Variants in ASPH observed in about 807,000 individuals in gnomAD.
The protein encoded by ASPH is aspartyl/asparaginyl beta-hydroxylase.
Under a neutral mutation model 118.4 loss-of-function variants are expected in ASPH, and 100 were observed. The ratio of observed to expected loss-of-function variants is 0.84; its 90% CI spans 0.72 to 1.00. The LOEUF (loss-of-function observed/expected upper bound fraction) is 1.00. Ranked by LOEUF, ASPH falls within the 50% of genes least tolerant of loss-of-function variation. The pLI, the probability that ASPH is intolerant of heterozygous loss-of-function variation, is 0.00. For synonymous variants in ASPH, 315 were observed against 325.6 expected (o/e 0.97, Z 0.35); for missense variants, 920 against 919.5 (o/e 1.00, Z -0.01).
chr8:61,677,176 C>A (rs1825819668), intron 3 of ASPH, among the ~76,000 whole-genome samples: 1 of 152,068 alleles, frequency 6.6e-6, no homozygotes, highest in Admixed American at 6.6e-5. Flanking sequence ...TGCTAAGACC[C>A]CTTACAACTA....
Position 61,653,225 on chromosome 8 carries a change from A to G in ASPH, c.415+343T>C, listed in dbSNP as rs115398994. Reference sequence around the variant, plus strand: ...TCTATTAAATCACGTGACAAATGATAACACTAGTAGTGTAGAATTGTGTGT... The same window carrying G: ...TCTATTAAATCACGTGACAAATGATGACACTAGTAGTGTAGAATTGTGTGT... On this transcript the variant is annotated intron_variant, in intron 4 of 24. Coordinates refer to ENST00000379454, the MANE Select transcript of ASPH (RefSeq NM_004318.4). Among the ~76,000 whole-genome samples, 836 of 152,334 alleles carry G rather than the reference A, an allele frequency of 5.5e-3. 9 individuals carry two copies. Among genetic ancestry groups the G allele is most frequent in the African/African-American group, 0.019 (785 of 41,572 alleles).
In ASPH at chr8:61,596,431, T is replaced by C. The variant is rs538447251; in HGVS notation, c.977-12402A>G. Among the ~76,000 whole-genome samples, 10 of 152,344 alleles carry C rather than the reference T, an allele frequency of 6.6e-5. No individual in the cohort carries two copies. The East Asian group carries it at 1.9e-3, about 29-fold the overall frequency. ...GCCTGCCCACTGCAGCCACTGCTGG[T>C]AACCAAGTAAGCCTTCTGAAGGCCC... On this transcript the variant is annotated intron_variant, in intron 14 of 24. Transcript: ENST00000379454.
intron 14 of ASPH, among the ~76,000 whole-genome samples, chr8:61,595,924 C>G (rs947761117): frequency 1.7e-4 from 26 of 152,180 alleles, no homozygotes; most frequent in Non-Finnish European, 8.8e-5. Flanking sequence ...TGCATGCTGT[C>G]TGGGGATCTG....
At chr8:61,625,432 T>C (rs200645393) in intron 13 of ASPH, 25 of 985,440 alleles carry the variant, frequency 2.5e-5, no homozygotes, top group East Asian at 2.3e-4. Context: ...CTTTAAGTTA[T>C]GCACCAGTAA....
intron 14 of ASPH, among the ~76,000 whole-genome samples, chr8:61,614,444 T>C (rs890984087): frequency 1.2e-4 from 19 of 152,228 alleles, no homozygotes; most frequent in Non-Finnish European, 2.8e-4. Context: ...TGCACATTTT[T>C]GTGTTCAGTG....
At chr8:61,534,062 C>T (rs1488181152) in intron 21 of ASPH, among the ~76,000 whole-genome samples, 2 of 152,168 alleles carry the variant, frequency 1.3e-5, no homozygotes, top group South Asian at 4.1e-4. Context: ...ATTCTCCTGC[C>T]TCAGCCTCCT....
chr8:61,651,052 T>A lies in ASPH; in HGVS notation c.488A>T (p.His163Leu). Reference protein sequence around the residue: ...SLLHEMVHAEHVEGEDLQQED... With the variant: ...SLLHEMVHAELVEGEDLQQED... The stretch of plus-strand genomic sequence containing the variant: ...AAAGAGCAGATTTTAATTCATACCA[T>A]GTTCTGCGTGTACCATTTCATGGAG... Residue 163 changes from histidine (H) to leucine (L), a missense_variant and splice_region_variant, in exon 5 of 25, where the codon CAT becomes CTT. His to Leu is a moderately conservative substitution (Grantham distance 99). Transcript: ENST00000379454. The A allele has an allele frequency of 6.2e-7, 1 of 1,610,832 alleles. No homozygotes were observed. The highest frequency in any genetic ancestry group is 8.5e-7 in the Non-Finnish European group (1 of 1,178,484).
chr8:61,561,097 AGAGAGGGAGGGAGGGAGGGAGGG>A, intron 18 of ASPH, among the ~76,000 whole-genome samples: 1 of 9,358 alleles, frequency 1.1e-4, no homozygotes, highest in African/African-American at 2.0e-4. Context: ...GGAGGGAGGG[AGAGAGGGAGGGAGGGAGGGAGGG>A]AGGGAGGGAG....
At chr8:61,640,372 C>T (rs1291456960) in intron 10 of ASPH, among the ~76,000 whole-genome samples, 5 of 152,194 alleles carry the variant, frequency 3.3e-5, no homozygotes, top group African/African-American at 7.2e-5. Context: ...TGAAGATGAA[C>T]GTCCTTGATC....
intron 1 of ASPH, among the ~76,000 whole-genome samples, chr8:61,687,951 T>C (rs1725581622): frequency 6.6e-6 from 1 of 152,144 alleles, no homozygotes; most frequent in Non-Finnish European, 1.5e-5. Flanking sequence ...GAAGGGATTC[T>C]TTTTTAAGAC....
At chr8:61,531,157 T>G (rs1817432717) in intron 21 of ASPH, among the ~76,000 whole-genome samples, 3 of 152,252 alleles carry the variant, frequency 2.0e-5, no homozygotes, top group Admixed American at 1.3e-4. Flanking sequence ...CTTCACTAAC[T>G]CTGAAAGAGT....
intron 1 of ASPH, among the ~76,000 whole-genome samples, chr8:61,706,831 G>A (rs1026656469): frequency 5.3e-5 from 8 of 152,198 alleles, no homozygotes; most frequent in African/African-American, 9.7e-5. Flanking sequence ...AGAGCCCGAC[G>A]TATTCATACA....
At chr8:61,624,131 T>C (rs1378239134) in intron 13 of ASPH, 3 of 729,582 alleles carry the variant, frequency 4.1e-6, no homozygotes, top group Admixed American at 6.3e-5. Context: ...AGAGTTACTA[T>C]AGCCAACAAT....
intron 21 of ASPH, among the ~76,000 whole-genome samples, chr8:61,535,075 G>A (rs1432040401): frequency 6.6e-6 from 1 of 152,138 alleles, no homozygotes. Context: ...AATCAAATTG[G>A]ACTACGGTCC....
At chr8:61,585,907 G>C (rs1839301378) in intron 14 of ASPH, among the ~76,000 whole-genome samples, 1 of 152,174 alleles carries the variant, frequency 6.6e-6, no homozygotes, top group Non-Finnish European at 1.5e-5. Flanking sequence ...TATAAAATTA[G>C]GGGTGTTTTT....
At chr8:61,533,227 G>C (rs1236066177) in intron 21 of ASPH, among the ~76,000 whole-genome samples, 2 of 149,682 alleles carry the variant, frequency 1.3e-5, no homozygotes, top group Admixed American at 6.7e-5. Flanking sequence ...TTTTCCTTCT[G>C]GGAGATTTCC....
At chr8:61,542,875 CT>C (rs919526615) in intron 21 of ASPH, among the ~76,000 whole-genome samples, 2 of 151,984 alleles carry the variant, frequency 1.3e-5, no homozygotes, top group African/African-American at 4.8e-5. Flanking sequence ...CAGTCTTTTC[CT>C]TTCAGTATTT....
chr8:61,689,752 A>T, intron 1 of ASPH: 1 of 1,538,400 alleles, frequency 6.5e-7, no homozygotes, highest in Non-Finnish European at 8.8e-7. Context: ...AAAAAACTCA[A>T]AAGTACTGCT....
intron 1 of ASPH, chr8:61,689,682 C>T (rs1359773203): frequency 1.3e-6 from 2 of 1,589,402 alleles, no homozygotes; most frequent in African/African-American, 1.3e-5. Context: ...CCTTTATCTT[C>T]AGCCATTTTG....
Sources: allele counts gnomAD v4.1 joint callset (sites outside exome capture counted in the v4.1 genomes callset), GRCh38; gene constraint gnomAD v4.1.1; transcripts MANE v1.5; gene names NCBI Gene and HGNC (gene_info 2026-07-23, HGNC 2026-07-21).